ANKRD33B: variants seen among roughly 807,000 people sequenced by gnomAD.
ANKRD33B encodes the protein ankyrin repeat domain 33B.
A neutral mutation model predicts 21.5 loss-of-function variants in ANKRD33B; 6 were observed. The ratio of observed to expected loss-of-function variants is 0.28; its 90% confidence interval spans 0.15 to 0.55. ANKRD33B has a LOEUF of 0.55. ANKRD33B is among the 20% of genes least tolerant of loss of function. The probability of loss-of-function intolerance (pLI) is 0.94; values close to 1 mark genes in which losing one functional copy is unlikely to be tolerated. For synonymous variants in ANKRD33B, 347 were observed against 342.4 expected, an observed-to-expected ratio of 1.01 and a Z score of -0.15; for missense variants, 698 against 747.2, an observed-to-expected ratio of 0.93 and a Z score of 0.77.
chr5:10,649,805 T>C lies in ANKRD33B; in HGVS notation c.1177T>C (p.Ser393Pro). Reference sequence around the variant, plus strand: ...AGCCGGCCTCCCTCCCGCCCTGGGGTCCCGGGGCCCCGCAGCGCCCGCCCC... The same window carrying C: ...AGCCGGCCTCCCTCCCGCCCTGGGGCCCCGGGGCCCCGCAGCGCCCGCCCC... ...PRAGLPPALG[S>P]RGPAAPAPRK... Residue 393 changes from serine to proline, a missense_variant, in exon 4 of 4, where the codon TCC becomes CCC. By Grantham distance (74) the Ser-to-Pro change is moderately conservative (BLOSUM62 -1). This residue lies in a region of ANKRD33B where 543 missense variants were observed against 566.5 expected (regional missense o/e 0.96). Transcript: ENST00000296657. 1.4e-6 allele frequency: 2 copies of C among 1,389,292 alleles called. No individual in the cohort carries two copies. Among genetic ancestry groups the C allele is most frequent in the Admixed American group, 3.3e-5 (1 of 30,164 alleles). 86.1% of individuals were successfully genotyped at this position (1,389,292 alleles called of 1,614,324 possible).
chr5:10,620,946 A>G (rs1175971451), intron 2 of ANKRD33B, among the ~76,000 whole-genome samples: 1 of 152,106 alleles, frequency 6.6e-6, no homozygotes, highest in East Asian at 1.9e-4. Flanking sequence ...TGAATCATTT[A>G]TTTTACACTT....
At chr5:10,583,597 T>G (rs1735492522) in intron 1 of ANKRD33B, among the ~76,000 whole-genome samples, 1 of 152,164 alleles carries the variant, frequency 6.6e-6, no homozygotes. Context: ...GGAGTAAGAT[T>G]GTTGGAGTTG....
At chr5:10,607,541 G>A (rs960252713) in intron 1 of ANKRD33B, among the ~76,000 whole-genome samples, 2 of 152,194 alleles carry the variant, frequency 1.3e-5, no homozygotes, top group East Asian at 1.9e-4. Context: ...AATAGATAAC[G>A]GAATAACGCC....
At chr5:10,569,715 A>G (rs111413549) in intron 1 of ANKRD33B, among the ~76,000 whole-genome samples, 271 of 152,276 alleles carry the variant, frequency 1.8e-3, no homozygotes, top group African/African-American at 6.3e-3. Context: ...AGAATCCTAG[A>G]CCGGGAGTCC....
intron 2 of ANKRD33B, among the ~76,000 whole-genome samples, chr5:10,637,326 A>G (rs943800448): frequency 3.3e-5 from 5 of 151,938 alleles, no homozygotes; most frequent in African/African-American, 1.2e-4. Context: ...GAAAGGGGAG[A>G]AATCTGTGTT....
At chr5:10,635,294 G>T (rs542894546) in intron 2 of ANKRD33B, among the ~76,000 whole-genome samples, 2 of 152,142 alleles carry the variant, frequency 1.3e-5, no homozygotes, top group Non-Finnish European at 2.9e-5. Flanking sequence ...GACAGGTGCC[G>T]CCAAGCATTT....
At chr5:10,607,769 T>C (rs1020446984) in intron 1 of ANKRD33B, among the ~76,000 whole-genome samples, 1 of 152,188 alleles carries the variant, frequency 6.6e-6, no homozygotes, top group Non-Finnish European at 1.5e-5. Flanking sequence ...CTTGGGACAG[T>C]GAAACACACT....
Position 10,650,189 on chromosome 5 carries a change from G to A in ANKRD33B, c.*76G>A, listed in dbSNP as rs1254301884. On this transcript the variant is annotated 3_prime_UTR_variant, in exon 4 of 4. Coordinates refer to ENST00000296657, the MANE Select transcript of ANKRD33B (RefSeq NM_001164440.2). Reference sequence around the variant, plus strand: ...CAGGGCTGGGCGCGGAGAAGGAGGCGGCCCCGTTGCGCATCGCACCACTTC... The same window carrying A: ...CAGGGCTGGGCGCGGAGAAGGAGGCAGCCCCGTTGCGCATCGCACCACTTC... 2.0e-5 allele frequency: 28 copies of A among 1,372,724 alleles called. No individual in the cohort carries two copies. In the South Asian group the frequency reaches 4.0e-4, roughly 19 times the overall value. The allele number at this position is 1,372,724 out of a possible 1,614,324, so 85.0% of individuals were successfully genotyped here.
At chr5:10,587,596 A>T (rs1735593971) in intron 1 of ANKRD33B, among the ~76,000 whole-genome samples, 1 of 151,552 alleles carries the variant, frequency 6.6e-6, no homozygotes, top group Non-Finnish European at 1.5e-5. Context: ...AGAAGTACAA[A>T]GAAAAAAACA....
chr5:10,609,901 T>TC (rs1736127871), intron 1 of ANKRD33B, among the ~76,000 whole-genome samples: 1 of 151,500 alleles, frequency 6.6e-6, no homozygotes, highest in Admixed American at 6.6e-5. Context: ...AGAGTGAGAC[T>TC]CCATCTAAAA....
In ANKRD33B at chr5:10,652,484, T is replaced by G. The variant is rs1314396738; in HGVS notation, c.*2371T>G. The G allele has an allele frequency of 6.6e-6, 1 of 152,516 alleles. No individual in the cohort carries two copies. Among genetic ancestry groups the G allele is most frequent in the Non-Finnish European group, 1.5e-5 (1 of 68,188 alleles). 9.4% of individuals were successfully genotyped at this position (152,516 alleles called of 1,614,324 possible). ...TCGGACTGACGTGGCGTCTGACCCT[T>G]GGTGGGTTGCCAGACATTCCTGCCT... On this transcript the variant is annotated 3_prime_UTR_variant, in exon 4 of 4. Transcript: ENST00000296657. The surrounding 1 kb of genome is among the most constrained non-coding windows in gnomAD (Gnocchi z 4.1).
At chr5:10,608,356 TAAA>T (rs1218246439) in intron 1 of ANKRD33B, among the ~76,000 whole-genome samples, 7 of 108,402 alleles carry the variant, frequency 6.5e-5, no homozygotes, top group Admixed American at 9.8e-5. Context: ...AGACTCCATC[TAAA>T]AAAAAAAAAA....
chr5:10,634,893 C>A (rs1736818817), intron 2 of ANKRD33B, among the ~76,000 whole-genome samples: 1 of 72,646 alleles, frequency 1.4e-5, no homozygotes, highest in Non-Finnish European at 3.4e-5. Flanking sequence ...AATACTTATA[C>A]ATTCTTAGAA....
intron 1 of ANKRD33B, among the ~76,000 whole-genome samples, chr5:10,566,891 A>C (rs201045443): frequency 6.6e-6 from 1 of 152,382 alleles, no homozygotes; most frequent in East Asian, 1.9e-4. Context: ...GCCTGGCCCC[A>C]GGCTTGTGTT....
rs542634270 is a variant in ANKRD33B, at chr5:10,654,264, C to G, written c.*4151C>G. On this transcript the variant is annotated 3_prime_UTR_variant, in exon 4 of 4. Coordinates refer to ENST00000296657, the MANE Select transcript of ANKRD33B (RefSeq NM_001164440.2). ...CCTCTCCCACCCCGTCCTCTTTGCTCGGAAGGGAGACCTGGTTTGCTCTCC... is the reference window on the plus strand; with the variant it reads ...CCTCTCCCACCCCGTCCTCTTTGCTGGGAAGGGAGACCTGGTTTGCTCTCC... 1.3e-5 allele frequency: 2 copies of G among 152,348 alleles called. No homozygotes were observed. Among genetic ancestry groups the G allele is most frequent in the Non-Finnish European group, 2.9e-5 (2 of 68,072 alleles). 9.4% of individuals were successfully genotyped at this position (152,348 alleles called of 1,614,324 possible). A position where few individuals can be genotyped will look rare whatever the true frequency, so the allele number is the denominator to read the frequency against.
chr5:10,566,062 A>G (rs79966649), intron 1 of ANKRD33B, among the ~76,000 whole-genome samples: 5,528 of 152,186 alleles, frequency 0.036, 361 homozygotes, highest in African/African-American at 0.13. Context: ...CCGTGATTCA[A>G]TTACCTCCCA....
At chr5:10,570,426 A>G (rs540367122) in intron 1 of ANKRD33B, among the ~76,000 whole-genome samples, 18 of 151,716 alleles carry the variant, frequency 1.2e-4, no homozygotes, top group Admixed American at 2.6e-4. Context: ...ATCCTTCAGC[A>G]GGCTGTCTCG....
At position 10,618,349 on chromosome 5, in the gene ANKRD33B, C is replaced by G; in HGVS notation, c.383C>G (p.Ala128Gly). 1 of 1,537,676 alleles carries G rather than the reference C, an allele frequency of 6.5e-7. No homozygotes were observed. Among genetic ancestry groups the G allele is most frequent in the Non-Finnish European group, 8.7e-7 (1 of 1,147,062 alleles). ...DRNGRTGLIV[A>G]CYHGFVDTVV... ...CATTTCTAGACCGGCCTTATTGTCG[C>G]CTGCTACCACGGCTTTGTGGATACC... The change falls in exon 2 of 4, where the codon GCC (alanine) becomes GGC (glycine). Residue 128 changes from alanine (A) to glycine (G), a missense_variant. This residue lies in a region of ANKRD33B where 543 missense variants were observed against 566.5 expected (regional missense o/e 0.96). Coordinates refer to ENST00000296657, the MANE Select transcript of ANKRD33B (RefSeq NM_001164440.2).
intron 3 of ANKRD33B, among the ~76,000 whole-genome samples, chr5:10,645,663 T>C (rs1737173928): frequency 6.6e-6 from 1 of 152,174 alleles, no homozygotes; most frequent in Admixed American, 6.5e-5. Flanking sequence ...TGTTGATCTG[T>C]CACCCCTTGA....
Sources: gnomAD v4.1 joint callset for allele counts (sites outside exome capture counted in the v4.1 genomes callset) on GRCh38, gnomAD v4.1.1 for gene constraint, gnomAD v4.1.1 regional missense constraint, Gnocchi (gnomAD v3.1) non-coding constraint, MANE v1.5 for transcripts, NCBI Gene and HGNC (gene_info 2026-07-23, HGNC 2026-07-21) for gene names.